C4orf17: variants seen among roughly 807,000 people sequenced by gnomAD.
C4orf17 encodes uncharacterized protein C4orf17.
A neutral mutation model predicts 32.0 loss-of-function variants in C4orf17; 25 were observed. The observed-to-expected ratio is 0.78, with a 90% CI of 0.57 to 1.09. The LOEUF is 1.09. C4orf17 is among the 50% of genes least tolerant of loss of function. C4orf17 has a pLI of 0.00. For synonymous variants in C4orf17, 149 were observed against 145.8 expected (o/e 1.02, Z -0.16); for missense variants, 420 against 420.0 (o/e 1.00, Z 0.00).
In C4orf17 at chr4:99,522,668, CA is replaced by C; in HGVS notation, c.297del (p.Ala100ProfsTer31). ...VQESPVRGMS[P>X]APNGAKVPPR... ...GAGAGCCCTGTAAGAGGAATGTCGC[CA>C]GCCCCAAACGGTGCCAAAGTGCCTC... On this transcript the variant is annotated frameshift_variant, in exon 3 of 9. Coordinates refer to ENST00000326581, the MANE Select transcript of C4orf17 (RefSeq NM_032149.3). LOFTEE classifies it high-confidence loss of function. 1.2e-6 allele frequency: 2 copies of C among 1,613,976 alleles called. No homozygotes were observed. Among genetic ancestry groups the C allele is most frequent in the Non-Finnish European group, 1.7e-6 (2 of 1,179,976 alleles).
At chr4:99,540,603 T>A in intron 8 of C4orf17, 148 bp downstream of exon 8, 1 of 572,134 alleles carries the variant, frequency 1.7e-6, no homozygotes, top group Admixed American at 3.2e-5. Flanking sequence ...AGAGAGCATC[T>A]GCTTACTTTC....
intron 2 of C4orf17, among the ~76,000 whole-genome samples, chr4:99,515,077 A>G (rs1055078610): frequency 2.6e-5 from 4 of 152,228 alleles, no homozygotes; most frequent in African/African-American, 9.6e-5. Context: ...GAAGAATGTT[A>G]TAATGGACTT....
At chr4:99,524,202 C>T (rs9997979) in intron 3 of C4orf17, among the ~76,000 whole-genome samples, 12,397 of 151,882 alleles carry the variant, frequency 0.082, 707 homozygotes, top group South Asian at 0.2. Context: ...AGGATGGTCT[C>T]GATCTCCTGA....
At chr4:99,529,105 A>G (rs1195473037) in intron 4 of C4orf17, among the ~76,000 whole-genome samples, 1 of 152,226 alleles carries the variant, frequency 6.6e-6, no homozygotes, top group Non-Finnish European at 1.5e-5. Context: ...ATCAATTCCA[A>G]TCATCAAAAT....
intron 1 of C4orf17, among the ~76,000 whole-genome samples, chr4:99,512,451 CA>C (rs1197965317): frequency 2.0e-5 from 3 of 152,168 alleles, no homozygotes; most frequent in Non-Finnish European, 4.4e-5. Flanking sequence ...AACAACATGG[CA>C]AAGGTTCTCT....
chr4:99,537,411 T>C (rs1238427243), intron 5 of C4orf17, among the ~76,000 whole-genome samples: 1 of 152,156 alleles, frequency 6.6e-6, no homozygotes, highest in Non-Finnish European at 1.5e-5. Flanking sequence ...AATGCCCTCT[T>C]GTGAGGAGCA....
At chr4:99,520,308 G>A (rs146635149) in intron 2 of C4orf17, among the ~76,000 whole-genome samples, 9,299 of 152,088 alleles carry the variant, frequency 0.061, 361 homozygotes, top group Non-Finnish European at 0.086. Context: ...TGTTAACTAG[G>A]ATGGTCTCGA....
rs574997299 is a variant in C4orf17, at chr4:99,512,542, A to G, written c.-93-447A>G. Among the ~76,000 whole-genome samples, 5 of 152,270 alleles carry G rather than the reference A, an allele frequency of 3.3e-5. No homozygotes were observed. The South Asian group carries it at 1.0e-3, about 32-fold the overall frequency. On this transcript the variant is annotated intron_variant, in intron 1 of 8. Transcript: ENST00000326581. ...TTACCATTCTCTCCGAAGATGATATACATTTTAAGATGCTGGGTTTTAAAA... is the reference window on the plus strand; with the variant it reads ...TTACCATTCTCTCCGAAGATGATATGCATTTTAAGATGCTGGGTTTTAAAA...
rs1723314873 is a variant in C4orf17 at position 99,522,727 on chromosome 4, T to C, written c.337+18T>C. The C allele has an allele frequency of 4.4e-6, 7 of 1,596,144 alleles. No individual in the cohort carries two copies. The highest frequency in any genetic ancestry group is 6.0e-6 in the Non-Finnish European group (7 of 1,166,614). ...TCATTCTGGTGAGTTGAGTTAGAAC[T>C]GATGAAATGTTTCCTTATGCCTCCT... On this transcript the variant is annotated intron_variant, in intron 3 of 8. Transcript: ENST00000326581.
At chr4:99,512,657 A>G (rs929805005) in intron 1 of C4orf17, among the ~76,000 whole-genome samples, 1 of 152,196 alleles carries the variant, frequency 6.6e-6, no homozygotes, top group Non-Finnish European at 1.5e-5. Flanking sequence ...TAAATTTACT[A>G]TATCAAAATT....
rs752464374 is a variant in C4orf17, at chr4:99,541,924, C to G, written c.895C>G (p.Pro299Ala). Reference protein sequence around the residue: ...KEVPKEAEHKPPLLIRRNNMK... With the variant: ...KEVPKEAEHKAPLLIRRNNMK... ...CTCTATTTCAGAGGCTGAGCACAAG[C>G]CTCCACTACTTATAAGAAGAAATAA... Residue 299 changes from proline to alanine, a missense_variant, in exon 9 of 9, where the codon CCT becomes GCT. Coordinates refer to ENST00000326581, the MANE Select transcript of C4orf17 (RefSeq NM_032149.3). 6.2e-7 allele frequency: 1 copy of G among 1,612,670 alleles called. No homozygotes were observed. The highest frequency in any genetic ancestry group is 1.1e-5 in the South Asian group (1 of 90,740).
At chr4:99,533,028 T>G (rs140147007) in intron 5 of C4orf17, among the ~76,000 whole-genome samples, 1 of 152,302 alleles carries the variant, frequency 6.6e-6, no homozygotes, top group East Asian at 1.9e-4. Context: ...ATATGGTTGA[T>G]GCAGACAGTG....
In C4orf17 at chr4:99,516,404, G is replaced by A. The variant is rs78817485; in HGVS notation, c.127+3196G>A. 8.3e-4 allele frequency among the ~76,000 whole-genome samples: 126 copies of A among 152,286 alleles called. 2 individuals carry two copies. In the East Asian group the frequency reaches 0.022, roughly 27 times the overall value. On this transcript the variant is annotated intron_variant, in intron 2 of 8. Coordinates refer to ENST00000326581, the MANE Select transcript of C4orf17 (RefSeq NM_032149.3). ...GAACTTAGGAGTAGAGATGCACATTGGGAGTCATCAGCATAGAAATGATAT... is the reference window on the plus strand; with the variant it reads ...GAACTTAGGAGTAGAGATGCACATTAGGAGTCATCAGCATAGAAATGATAT...
chr4:99,513,280 A>T (rs763969384), intron 2 of C4orf17, 72 bp downstream of exon 2: 41 of 1,563,300 alleles, frequency 2.6e-5, no homozygotes, highest in Non-Finnish European at 3.4e-5. Flanking sequence ...TCTGGCAGGT[A>T]AACACAACGC....
intron 2 of C4orf17, among the ~76,000 whole-genome samples, chr4:99,514,235 A>G (rs573959818): frequency 6.6e-6 from 1 of 152,298 alleles, no homozygotes; most frequent in South Asian, 2.1e-4. Context: ...CAAATGCAAC[A>G]AAAACAAAAA....
At chr4:99,529,635 T>C (rs1469394965) in intron 4 of C4orf17, among the ~76,000 whole-genome samples, 180 bp from the exon 5 acceptor site, 2 of 152,202 alleles carry the variant, frequency 1.3e-5, no homozygotes, top group Admixed American at 6.6e-5. Context: ...TAATAAGATA[T>C]CACTATTTGT....
At chr4:99,515,991 A>G (rs538971507) in intron 2 of C4orf17, among the ~76,000 whole-genome samples, 39 of 152,266 alleles carry the variant, frequency 2.6e-4, no homozygotes, top group East Asian at 3.9e-4. Flanking sequence ...CAGGGAAGAA[A>G]TGAAAAGGTC....
chr4:99,521,156 A>G (rs1262906296), intron 2 of C4orf17, among the ~76,000 whole-genome samples: 3 of 152,110 alleles, frequency 2.0e-5, no homozygotes, highest in Non-Finnish European at 4.4e-5. Flanking sequence ...GGCGGATTAC[A>G]AGGTCAGGAG....
intron 7 of C4orf17, among the ~76,000 whole-genome samples, chr4:99,539,870 A>G (rs1451154023): frequency 6.6e-6 from 1 of 152,118 alleles, no homozygotes; most frequent in African/African-American, 2.4e-5. Context: ...GAGAAAAATA[A>G]CTACTAAAAT....
Sources: gnomAD v4.1 joint callset for allele counts (sites outside exome capture counted in the v4.1 genomes callset) on GRCh38, gnomAD v4.1.1 for gene constraint, MANE v1.5 for transcripts, NCBI Gene and HGNC (gene_info 2026-07-23, HGNC 2026-07-21) for gene names.